NXPE2: variants seen among roughly 807,000 people sequenced by gnomAD.
NXPE2 encodes NXPE family member 2.
A neutral mutation model predicts 34.4 loss-of-function variants in NXPE2; 34 were observed. The observed-to-expected ratio is 0.99, with a 90% confidence interval of 0.75 to 1.31. NXPE2 has a LOEUF of 1.31. NXPE2 is among the 40% of genes most tolerant of loss of function. The probability of loss-of-function intolerance (pLI) is 0.00; values close to 1 mark genes in which losing one functional copy is unlikely to be tolerated. For synonymous variants in NXPE2, 235 were observed against 231.3 expected (o/e 1.02, Z -0.15); for missense variants, 649 against 672.5 (o/e 0.97, Z 0.39).
chr11:114,639,668 T>G, the NXPE2 span, among the ~76,000 whole-genome samples: 1 of 141,984 alleles, frequency 7.0e-6, no homozygotes, highest in African/African-American at 2.6e-5. Context: ...TTACTTGTAT[T>G]ATATATGTAA....
the NXPE2 span, among the ~76,000 whole-genome samples, chr11:114,483,761 G>C: frequency 6.6e-6 from 1 of 152,100 alleles, no homozygotes; most frequent in Non-Finnish European, 1.5e-5. Context: ...AGTCTTAGAG[G>C]ATTCCTCTCC....
chr11:114,471,245 A>G, the NXPE2 span, among the ~76,000 whole-genome samples: 1 of 152,196 alleles, frequency 6.6e-6, no homozygotes, highest in Admixed American at 6.5e-5. Flanking sequence ...TTATTGCTCT[A>G]CAAGTTTTAC....
chr11:114,768,954 C>A, the NXPE2 span, among the ~76,000 whole-genome samples: 2 of 152,098 alleles, frequency 1.3e-5, no homozygotes, highest in Admixed American at 6.5e-5. Flanking sequence ...CCAAAACTGA[C>A]AAATGGGATC....
the NXPE2 span, among the ~76,000 whole-genome samples, chr11:114,671,479 C>T: frequency 2.6e-5 from 4 of 151,706 alleles, no homozygotes; most frequent in South Asian, 2.1e-4. Flanking sequence ...AAATCCACAC[C>T]CAGACACATC....
the NXPE2 span, among the ~76,000 whole-genome samples, chr11:114,641,789 G>A: frequency 1.3e-5 from 2 of 151,950 alleles, no homozygotes; most frequent in Admixed American, 6.6e-5. Context: ...ATACAGAAGC[G>A]ATTAATTTTC....
the NXPE2 span, among the ~76,000 whole-genome samples, chr11:114,575,111 A>G: frequency 1.3e-5 from 2 of 152,150 alleles, no homozygotes; most frequent in Admixed American, 6.5e-5. Flanking sequence ...GTCTCAGCAG[A>G]CACAGAAAAA....
the NXPE2 span, among the ~76,000 whole-genome samples, chr11:114,617,097 T>C: frequency 6.6e-6 from 1 of 151,998 alleles, no homozygotes. Flanking sequence ...GCATGGATAA[T>C]AAGTGTTGCC....
At chr11:114,617,312 T>G in the NXPE2 span, among the ~76,000 whole-genome samples, 3 of 139,578 alleles carry the variant, frequency 2.1e-5, no homozygotes, top group African/African-American at 5.4e-5. Flanking sequence ...GATACTAAGT[T>G]TTGCCTCGTG....
Position 114,704,181 on chromosome 11 carries a change from C to T in NXPE2, c.928+129C>T. ...TCCTGGGACAAATTACATCAACCAC[C>T]TTGGGTTTTAGAGAAGGGATTTTAT... On this transcript the variant is annotated intron_variant, in intron 4 of 5. Coordinates refer to ENST00000389586, the MANE Select transcript of NXPE2 (RefSeq NM_182495.6). 4.4e-6 allele frequency: 3 copies of T among 684,032 alleles called. No homozygotes were observed. In the South Asian group the frequency reaches 6.5e-5, roughly 15 times the overall value. 42.4% of individuals were successfully genotyped at this position (684,032 alleles called of 1,614,324 possible).
chr11:114,704,852 A>G (rs1951442699), intron 4 of NXPE2, among the ~76,000 whole-genome samples: 1 of 152,216 alleles, frequency 6.6e-6, no homozygotes, highest in South Asian at 2.1e-4. Flanking sequence ...GAAAGTTCTT[A>G]GATTCTTGAG....
chr11:114,606,237 CTG>C, the NXPE2 span, among the ~76,000 whole-genome samples: 3 of 151,580 alleles, frequency 2.0e-5, no homozygotes, highest in Non-Finnish European at 4.4e-5. Context: ...CCACTGTTAC[CTG>C]CTGGATAACA....
the NXPE2 span, among the ~76,000 whole-genome samples, chr11:114,524,952 C>T: frequency 6.6e-6 from 1 of 151,976 alleles, no homozygotes; most frequent in Non-Finnish European, 1.5e-5. Flanking sequence ...CTGATTAACC[C>T]CGGTTTATCT....
the NXPE2 span, among the ~76,000 whole-genome samples, chr11:114,501,825 C>T: frequency 1.1e-4 from 16 of 152,226 alleles, 1 homozygote; most frequent in Middle Eastern, 0.014. Context: ...GGTACTTTTT[C>T]CTGAGACAGA....
chr11:114,732,775 ACT>A, the NXPE2 span, among the ~76,000 whole-genome samples: 1 of 151,794 alleles, frequency 6.6e-6, no homozygotes, highest in Non-Finnish European at 1.5e-5. Flanking sequence ...CTCCTTTCAT[ACT>A]CTCTAATTGT....
chr11:114,779,486 G>C, the NXPE2 span, among the ~76,000 whole-genome samples: 1 of 152,072 alleles, frequency 6.6e-6, no homozygotes, highest in African/African-American at 2.4e-5. Flanking sequence ...TTGGAGCGGG[G>C]AGATCGGAAG....
chr11:114,673,899 T>G (rs1950827097), upstream of NXPE2, among the ~76,000 whole-genome samples: 1 of 151,682 alleles, frequency 6.6e-6, no homozygotes, highest in African/African-American at 2.4e-5. Flanking sequence ...GATACACATC[T>G]CTCCTACAAA....
chr11:114,531,016 C>A, the NXPE2 span: 1 of 1,157,842 alleles, frequency 8.6e-7, no homozygotes. Context: ...TAATTGAATT[C>A]AATTTGTTAC....
chr11:114,590,944 A>G, the NXPE2 span, among the ~76,000 whole-genome samples: 1 of 152,086 alleles, frequency 6.6e-6, no homozygotes, highest in Non-Finnish European at 1.5e-5. Context: ...TCTGTTAAAA[A>G]CTTGTTCTTG....
the NXPE2 span, among the ~76,000 whole-genome samples, chr11:114,650,886 C>G: frequency 6.6e-6 from 1 of 152,076 alleles, no homozygotes; most frequent in South Asian, 2.1e-4. Flanking sequence ...GTAAAAACGG[C>G]AAGCTGCAGC....
Sources: allele counts gnomAD v4.1 joint callset (sites outside exome capture counted in the v4.1 genomes callset), GRCh38; gene constraint gnomAD v4.1.1; transcripts MANE v1.5; gene names NCBI Gene and HGNC (gene_info 2026-07-23, HGNC 2026-07-21).